Variants in SDK1 observed in about 807,000 individuals in gnomAD.
SDK1 encodes the protein protein sidekick-1.
A neutral mutation model predicts 245.5 loss-of-function variants in SDK1; 157 were observed. The observed-to-expected ratio is 0.64, with a 90% CI of 0.56 to 0.73. The LOEUF (loss-of-function observed/expected upper bound fraction) is 0.73, where lower values mean the gene tolerates loss of function less well. Among genes scored for constraint, SDK1 ranks in the 30% least tolerant of loss-of-function variants. SDK1 has a pLI of 0.00. For synonymous variants in SDK1, 1,647 were observed against 1,278.5 expected, an observed-to-expected ratio of 1.29 and a Z score of -6.15; for missense variants, 3,583 against 3,002.3, an observed-to-expected ratio of 1.19 and a Z score of -4.52.
chr7:3,844,262 G>A (rs559794994), intron 5 of SDK1, among the ~76,000 whole-genome samples: 38 of 152,248 alleles, frequency 2.5e-4, no homozygotes, highest in African/African-American at 6.0e-4. Flanking sequence ...ATGAGCCACC[G>A]CCCCTGGCCC....
intron 5 of SDK1, among the ~76,000 whole-genome samples, chr7:3,918,667 G>A (rs530380395): frequency 6.6e-6 from 1 of 152,280 alleles, no homozygotes; most frequent in South Asian, 2.1e-4. Context: ...CCCGACATTG[G>A]TAGAAAAACT....
At chr7:3,989,315 C>G (rs1319861012) in intron 14 of SDK1, among the ~76,000 whole-genome samples, 1 of 152,178 alleles carries the variant, frequency 6.6e-6, no homozygotes, top group Non-Finnish European at 1.5e-5. Context: ...ACCCTCAGAC[C>G]TCGTGAGACT....
rs147705026 is a variant in SDK1, at chr7:3,510,130, G to C, written c.299-108950G>C. ...CGTCGACCTTATCAAAAGTAGGTCT[G>C]ACAGTGTGTTCCCAGTGCCTGGACC... is the stretch of plus-strand genomic sequence containing the variant. On this transcript the variant is annotated intron_variant, in intron 1 of 44. Transcript: ENST00000404826. Among the ~76,000 whole-genome samples the C allele has an allele frequency of 1.2e-3, 189 of 152,304 alleles. 2 individuals carry two copies. The East Asian group carries it at 0.026, about 21-fold the overall frequency.
At chr7:4,143,242 G>A (rs572480234) in intron 28 of SDK1, among the ~76,000 whole-genome samples, 1 of 152,178 alleles carries the variant, frequency 6.6e-6, no homozygotes, top group Non-Finnish European at 1.5e-5. Flanking sequence ...GGACAGGTCC[G>A]GGGAATAAGG....
intron 19 of SDK1, among the ~76,000 whole-genome samples, chr7:4,059,785 A>G (rs1266729284): frequency 1.3e-5 from 2 of 152,208 alleles, no homozygotes; most frequent in African/African-American, 4.8e-5. Context: ...AGTAATGAGG[A>G]ACTTTGGAAT....
intron 1 of SDK1, among the ~76,000 whole-genome samples, chr7:3,401,416 A>G (rs1456505050): frequency 6.6e-6 from 1 of 152,162 alleles, no homozygotes; most frequent in African/African-American, 2.4e-5. Flanking sequence ...ACTGGGTAAT[A>G]TATTTTATTC....
intron 40 of SDK1, among the ~76,000 whole-genome samples, chr7:4,222,736 G>A (rs935647196): frequency 1.1e-4 from 16 of 152,174 alleles, no homozygotes; most frequent in Non-Finnish European, 1.5e-4. Flanking sequence ...TGAGCAGGGC[G>A]TCTGTCCTGT....
At chr7:3,395,297 C>G (rs887329351) in intron 1 of SDK1, among the ~76,000 whole-genome samples, 14 of 151,742 alleles carry the variant, frequency 9.2e-5, no homozygotes, top group Admixed American at 7.9e-4. Context: ...GCTGTTAAAA[C>G]CTCACATTTC....
intron 7 of SDK1, among the ~76,000 whole-genome samples, chr7:3,955,133 A>G (rs1781154711): frequency 6.6e-6 from 1 of 152,128 alleles, no homozygotes; most frequent in Non-Finnish European, 1.5e-5. Context: ...GATGGCTCGG[A>G]AACTCGGACG....
At chr7:3,713,725 A>G (rs17133708) in intron 4 of SDK1, among the ~76,000 whole-genome samples, 254 of 152,362 alleles carry the variant, frequency 1.7e-3, no homozygotes, top group African/African-American at 5.9e-3. Flanking sequence ...TTTCATGTGG[A>G]GAATGTACTC....
chr7:4,013,954 C>A (rs536796718), intron 16 of SDK1, among the ~76,000 whole-genome samples: 1 of 152,242 alleles, frequency 6.6e-6, no homozygotes, highest in Non-Finnish European at 1.5e-5. Flanking sequence ...TGACCACCTC[C>A]GCTCCAGAAA....
intron 4 of SDK1, among the ~76,000 whole-genome samples, chr7:3,820,635 A>T (rs147285800): frequency 6.6e-5 from 10 of 152,204 alleles, no homozygotes; most frequent in Non-Finnish European, 1.3e-4. Context: ...GAGTCTTTCT[A>T]TGGTATGATT....
chr7:3,891,894 T>G (rs73674331), intron 5 of SDK1, among the ~76,000 whole-genome samples: 8,757 of 152,234 alleles, frequency 0.058, 834 homozygotes, highest in African/African-American at 0.19. Context: ...AGCAGTGAGT[T>G]TTTTGGGAGG....
At position 3,369,298 on chromosome 7, in the gene SDK1, C is replaced by G. The variant is rs376169642; in HGVS notation, c.298+67414C>G. Reference sequence around the variant, plus strand: ...TTAAGCAGTCCACCTGCCTCGGCCTCCCAAAGTGCTGGGATTACAGACGTG... The same window carrying G: ...TTAAGCAGTCCACCTGCCTCGGCCTGCCAAAGTGCTGGGATTACAGACGTG... On this transcript the variant is annotated intron_variant, in intron 1 of 44. Transcript: ENST00000404826. Among the ~76,000 whole-genome samples the G allele has an allele frequency of 5.3e-5, 8 of 152,246 alleles. No individual in the cohort carries two copies. In the East Asian group the frequency reaches 1.5e-3, roughly 29 times the overall value.
At chr7:3,650,612 C>T (rs147275497) in intron 4 of SDK1, among the ~76,000 whole-genome samples, 2 of 152,146 alleles carry the variant, frequency 1.3e-5, no homozygotes, top group Non-Finnish European at 2.9e-5. Flanking sequence ...GTATCACAAC[C>T]AGGATACTGA....
chr7:4,240,371 T>C (rs1196100423), intron 42 of SDK1, among the ~76,000 whole-genome samples: 7 of 152,032 alleles, frequency 4.6e-5, no homozygotes, highest in African/African-American at 1.7e-4. Flanking sequence ...ACCTCTGTTG[T>C]GATGGCCTCA....
chr7:3,618,578 C>T (rs187474218), intron 1 of SDK1, among the ~76,000 whole-genome samples: 2 of 152,152 alleles, frequency 1.3e-5, no homozygotes, highest in East Asian at 3.9e-4. Context: ...TGAAAGTCAC[C>T]AGGAGAGACC....
At chr7:3,658,449 A>G (rs1362933252) in intron 4 of SDK1, among the ~76,000 whole-genome samples, 4 of 151,962 alleles carry the variant, frequency 2.6e-5, no homozygotes, top group Non-Finnish European at 4.4e-5. Flanking sequence ...GCTGAGTGGG[A>G]TACAGCCATC....
chr7:3,748,970 T>C (rs1356430633), intron 4 of SDK1, among the ~76,000 whole-genome samples: 2 of 152,126 alleles, frequency 1.3e-5, no homozygotes, highest in African/African-American at 4.8e-5. Flanking sequence ...TTCAGTATAC[T>C]AGGAAAAAAA....
Sources: gnomAD v4.1 joint callset for allele counts (sites outside exome capture counted in the v4.1 genomes callset) on GRCh38, gnomAD v4.1.1 for gene constraint, MANE v1.5 for transcripts, NCBI Gene and HGNC (gene_info 2026-07-23, HGNC 2026-07-21) for gene names.